RAD18: variants seen among roughly 807,000 people sequenced by gnomAD.
RAD18 encodes E3 ubiquitin-protein ligase RAD18.
Under a neutral mutation model 60.4 loss-of-function variants are expected in RAD18, and 47 were observed. The observed-to-expected ratio is 0.78, with a 90% confidence interval of 0.62 to 0.99. The LOEUF is 0.99. Ranked by LOEUF, RAD18 falls within the 50% of genes least tolerant of loss-of-function variation. The pLI, the probability that RAD18 is intolerant of heterozygous loss-of-function variation, is 0.00. For missense variants in RAD18, 640 were observed against 593.3 expected (o/e 1.08, Z -0.82); for synonymous variants, 225 against 195.5 (o/e 1.15, Z -1.26).
chr3:8,895,175 G>A (rs962853945), intron 11 of RAD18, among the ~76,000 whole-genome samples: 1 of 151,206 alleles, frequency 6.6e-6, no homozygotes, highest in African/African-American at 2.4e-5. Context: ...TAGCTTTCAG[G>A]GTATTCTAAA....
intron 9 of RAD18, among the ~76,000 whole-genome samples, chr3:8,902,920 G>C (rs908540921): frequency 6.6e-6 from 1 of 151,984 alleles, no homozygotes; most frequent in Non-Finnish European, 1.5e-5. Flanking sequence ...CAGCTACTTA[G>C]GAGGCTGAGG....
intron 10 of RAD18, among the ~76,000 whole-genome samples, chr3:8,900,756 T>C (rs1030787997): frequency 7.9e-5 from 12 of 152,150 alleles, no homozygotes; most frequent in African/African-American, 2.7e-4. Flanking sequence ...ACAAAATCCA[T>C]CTTTTCAGTC....
In RAD18 at chr3:8,947,305, C is replaced by T; in HGVS notation, c.196-15G>A. The stretch of plus-strand genomic sequence containing the variant: ...TCTGTGACAGTCTAGAAAAAACAAA[C>T]AACAGATGGAAAAAGGTCAAAAACA... On this transcript the variant is annotated splice_polypyrimidine_tract_variant and intron_variant, in intron 3 of 12. Coordinates refer to ENST00000264926, the MANE Select transcript of RAD18 (RefSeq NM_020165.4). The T allele has an allele frequency of 6.3e-7, 1 of 1,576,040 alleles. No homozygotes were observed. Among genetic ancestry groups the T allele is most frequent in the South Asian group, 1.1e-5 (1 of 88,954 alleles).
chr3:8,911,514 T>C (rs1940104889), intron 9 of RAD18, among the ~76,000 whole-genome samples: 1 of 152,194 alleles, frequency 6.6e-6, no homozygotes, highest in African/African-American at 2.4e-5. Flanking sequence ...TGGTGACTTT[T>C]GTTGTTCAGT....
chr3:8,896,513 C>A (rs1319904426), intron 11 of RAD18, among the ~76,000 whole-genome samples: 2 of 152,214 alleles, frequency 1.3e-5, no homozygotes, highest in Admixed American at 6.5e-5. Context: ...CACTTAATTT[C>A]TTTTTCGACT....
At chr3:8,910,567 C>T (rs1035357088) in intron 9 of RAD18, among the ~76,000 whole-genome samples, 5 of 150,946 alleles carry the variant, frequency 3.3e-5, no homozygotes, top group African/African-American at 4.9e-5. Flanking sequence ...AAGATAGCGC[C>T]ACTGCACTCC....
At chr3:8,893,742 G>A (rs1456151514) in intron 11 of RAD18, among the ~76,000 whole-genome samples, 1 of 142,826 alleles carries the variant, frequency 7.0e-6, no homozygotes, top group Non-Finnish European at 1.5e-5. Context: ...CTGTCACTCA[G>A]GCTGGAGTGC....
chr3:8,900,868 G>C (rs916765527), intron 10 of RAD18, among the ~76,000 whole-genome samples: 2 of 152,138 alleles, frequency 1.3e-5, no homozygotes, highest in Admixed American at 1.3e-4. Flanking sequence ...ACCCCGGAAA[G>C]AGTAATATTG....
chr3:8,889,206 T>G (rs1431393075), intron 12 of RAD18, among the ~76,000 whole-genome samples: 1 of 152,168 alleles, frequency 6.6e-6, no homozygotes, highest in Non-Finnish European at 1.5e-5. Context: ...TTTGGAAAGA[T>G]AGTAGAGTTT....
At chr3:8,920,254 G>A (rs1940291546) in intron 7 of RAD18, among the ~76,000 whole-genome samples, 1 of 146,426 alleles carries the variant, frequency 6.8e-6, no homozygotes, top group African/African-American at 2.6e-5. Flanking sequence ...ACTCCAGCCT[G>A]GACGACAGAG....
At position 8,880,256 on chromosome 3, in the gene RAD18, G is replaced by A. The variant is rs536600339; in HGVS notation, c.*1101C>T. Reference sequence around the variant, plus strand: ...GGCATACCAAAAAGACAAGGTCAACGGAGACAGTCTTTGGAAGGGGAGGTC... The same window carrying A: ...GGCATACCAAAAAGACAAGGTCAACAGAGACAGTCTTTGGAAGGGGAGGTC... On this transcript the variant is annotated 3_prime_UTR_variant, in exon 13 of 13. Coordinates refer to ENST00000264926, the MANE Select transcript of RAD18 (RefSeq NM_020165.4). 1.3e-5 allele frequency: 2 copies of A among 152,304 alleles called. No individual in the cohort carries two copies. The highest frequency in any genetic ancestry group is 1.9e-4 in the East Asian group (1 of 5,188). 9.4% of individuals were successfully genotyped at this position (152,304 alleles called of 1,614,324 possible).
chr3:8,941,580 C>T lies in RAD18; in HGVS notation c.491G>A (p.Ser164Asn). 1 of 1,614,126 alleles carries T rather than the reference C, an allele frequency of 6.2e-7. No homozygotes were observed. Among genetic ancestry groups the T allele is most frequent in the Non-Finnish European group, 8.5e-7 (1 of 1,179,998 alleles). The change falls in exon 5 of 13, where the codon AGC becomes AAC. Residue 164 changes from serine (S) to asparagine (N), a missense_variant. By Grantham distance (46) the Ser-to-Asn change is conservative. Coordinates refer to ENST00000264926, the MANE Select transcript of RAD18 (RefSeq NM_020165.4). ...TGTCTCTTTGGTCTTTGCAGCAGGG[C>T]TCGCCTCTTTTTGAGGGCTGAATTT... ...KSKFSPQKEASPAAKTKETRS... is the reference protein window; with the variant it reads ...KSKFSPQKEANPAAKTKETRS...
At position 8,880,867 on chromosome 3, in the gene RAD18, GCGTGCATCGGTA is replaced by G. The variant is rs1432697597; in HGVS notation, c.*478_*489del. 1 of 153,360 alleles carries G rather than the reference GCGTGCATCGGTA, an allele frequency of 6.5e-6. No homozygotes were observed. Among genetic ancestry groups the G allele is most frequent in the Non-Finnish European group, 1.5e-5 (1 of 68,896 alleles). 9.5% of individuals were successfully genotyped at this position (153,360 alleles called of 1,614,324 possible). On this transcript the variant is annotated 3_prime_UTR_variant, in exon 13 of 13. Transcript: ENST00000264926. The stretch of plus-strand genomic sequence containing the variant: ...CTGCTGTAACACAGGCATGGTGGTG[GCGTGCATCGGTA>G]CTTACACACACCAAGGATGTGAACT...
chr3:8,944,631 G>A (rs1574824144), intron 4 of RAD18, among the ~76,000 whole-genome samples: 1 of 149,854 alleles, frequency 6.7e-6, no homozygotes, highest in East Asian at 2.0e-4. Flanking sequence ...AGAAAGGAAA[G>A]GAGGGAGGAA....
chr3:8,936,958 T>C (rs1940664877), intron 6 of RAD18, among the ~76,000 whole-genome samples: 1 of 152,144 alleles, frequency 6.6e-6, no homozygotes, highest in Admixed American at 6.5e-5. Context: ...CTGAAAACAA[T>C]CAAAAATTTC....
intron 8 of RAD18, among the ~76,000 whole-genome samples, chr3:8,912,737 G>T (rs1360510484): frequency 2.6e-5 from 4 of 152,142 alleles, no homozygotes; most frequent in African/African-American, 9.7e-5. Flanking sequence ...TGATCTTCTT[G>T]TCTGCCTTCT....
intron 2 of RAD18, among the ~76,000 whole-genome samples, chr3:8,956,515 T>C (rs908784807): frequency 6.6e-6 from 1 of 152,186 alleles, no homozygotes; most frequent in Non-Finnish European, 1.5e-5. Flanking sequence ...AATTTCCCAT[T>C]TAGTATTTTC....
chr3:8,947,157 TA>T (rs1940851493), intron 4 of RAD18, 62 bp downstream of exon 4: 1 of 1,264,700 alleles, frequency 7.9e-7, no homozygotes, highest in African/African-American at 1.5e-5. Flanking sequence ...GTGCACAAAG[TA>T]AAGAGAGAAC....
intron 7 of RAD18, among the ~76,000 whole-genome samples, chr3:8,915,490 A>T (rs1314641934): frequency 6.6e-6 from 1 of 152,110 alleles, no homozygotes; most frequent in East Asian, 1.9e-4. Context: ...CTTTTTGATG[A>T]ACTGCAAAAG....
Sources: gnomAD v4.1 joint callset for allele counts (sites outside exome capture counted in the v4.1 genomes callset) on GRCh38, gnomAD v4.1.1 for gene constraint, MANE v1.5 for transcripts, NCBI Gene and HGNC (gene_info 2026-07-23, HGNC 2026-07-21) for gene names.